Variants in PRKN observed in about 807,000 individuals in gnomAD.
PRKN encodes E3 ubiquitin-protein ligase parkin.
In PRKN, 56 loss-of-function variants were observed where a neutral mutation model predicts 59.5. That is an observed-to-expected ratio of 0.94 (90% CI 0.76 to 1.18). PRKN has a LOEUF of 1.18. Among genes scored for constraint, PRKN ranks in the 50% most tolerant of loss-of-function variants. The pLI, the probability that PRKN is intolerant of heterozygous loss-of-function variation, is 0.00. For synonymous variants in PRKN, 250 were observed against 222.1 expected (o/e 1.13, Z -1.12); for missense variants, 657 against 596.4 (o/e 1.10, Z -1.06).
chr6:161,629,880 G>T (rs1783233653), intron 7 of PRKN, among the ~76,000 whole-genome samples: 1 of 152,144 alleles, frequency 6.6e-6, no homozygotes, highest in Non-Finnish European at 1.5e-5. Flanking sequence ...AAGCTTTGTT[G>T]ACAAGCCCTT....
In PRKN at chr6:162,248,060, G is replaced by A. The variant is rs151043771; in HGVS notation, c.412+14465C>T. Among the ~76,000 whole-genome samples, 19 of 152,260 alleles carry A rather than the reference G, an allele frequency of 1.2e-4. No homozygotes were observed. The East Asian group carries it at 3.5e-3, about 28-fold the overall frequency. ...AAATCTCCCACAGGCTCCCTGGAGA[G>A]AGGAGCTGGAAAGCCTTAGGTTTGT... is the stretch of plus-strand genomic sequence containing the variant. On this transcript the variant is annotated intron_variant, in intron 3 of 11. Coordinates refer to ENST00000366898, the MANE Select transcript of PRKN (RefSeq NM_004562.3).
chr6:162,634,153 T>A (rs1028063530), intron 1 of PRKN, among the ~76,000 whole-genome samples: 2 of 152,144 alleles, frequency 1.3e-5, no homozygotes, highest in Non-Finnish European at 2.9e-5. Context: ...GGGCTTTGGC[T>A]GTTCTCCAGG....
chr6:162,371,757 A>T (rs1310771341), intron 2 of PRKN, among the ~76,000 whole-genome samples: 1 of 152,208 alleles, frequency 6.6e-6, no homozygotes, highest in South Asian at 2.1e-4. Context: ...TTCTATTTCC[A>T]GTTCTGTGAT....
At chr6:162,662,808 C>T (rs1778941217) in intron 1 of PRKN, among the ~76,000 whole-genome samples, 1 of 152,038 alleles carries the variant, frequency 6.6e-6, no homozygotes, top group Admixed American at 6.6e-5. Context: ...CAGTATGATG[C>T]TGTTTTGGTT....
Position 161,693,681 on chromosome 6 carries a change from A to G in PRKN, c.871+92091T>C, listed in dbSNP as rs116259872. ...TCATGAGCAATTCTAATTTTCCCCA[A>G]TGTAATCATCACGAAAACATTTGTG... is the stretch of plus-strand genomic sequence containing the variant. On this transcript the variant is annotated intron_variant, in intron 7 of 11. Transcript: ENST00000366898. Among the ~76,000 whole-genome samples, 954 of 152,310 alleles carry G rather than the reference A, an allele frequency of 6.3e-3. 14 individuals carry two copies. The highest frequency in any genetic ancestry group is 0.022 in the African/African-American group (914 of 41,586).
chr6:162,386,334 C>A lies in PRKN; in HGVS notation c.171+56976G>T, dbSNP rs58997917. On this transcript the variant is annotated intron_variant, in intron 2 of 11. Transcript: ENST00000366898. Reference sequence around the variant, plus strand: ...ATAATAAAAACATATAATTTTATGTCAAGTTTAAAAGTATATTTATACTAA... The same window carrying A: ...ATAATAAAAACATATAATTTTATGTAAAGTTTAAAAGTATATTTATACTAA... Among the ~76,000 whole-genome samples, 3 of 152,218 alleles carry A rather than the reference C, an allele frequency of 2.0e-5. No homozygotes were observed. In the East Asian group the frequency reaches 5.8e-4, roughly 29 times the overall value.
At chr6:161,573,208 C>G (rs1019685221) in intron 7 of PRKN, among the ~76,000 whole-genome samples, 1 of 152,138 alleles carries the variant, frequency 6.6e-6, no homozygotes, top group African/African-American at 2.4e-5. Flanking sequence ...TCTGGGCCAA[C>G]TCATCAGGGC....
At chr6:162,151,498 TC>T (rs1379146450) in intron 4 of PRKN, among the ~76,000 whole-genome samples, 21 of 152,232 alleles carry the variant, frequency 1.4e-4, no homozygotes, top group Admixed American at 9.2e-4. Flanking sequence ...TGAATAGTCA[TC>T]TTTTCCTCTT....
rs200720727 is a variant in PRKN, at chr6:161,785,840, C to T, written c.803G>A (p.Cys268Tyr). Residue 268 changes from cysteine (C) to tyrosine (Y), a missense_variant, in exon 7 of 12, where the codon TGT (cysteine) becomes TAT (tyrosine). Physicochemically the swap from Cys to Tyr is radical, Grantham distance 194. Transcript: ENST00000366898. The part of the protein sequence containing the change: ...VICLDCFHLY[C>Y]VTRLNDRQFV... ...CTGCCGATCATTGAGTCTTGTCACA[C>T]AGTATAAGTGGAAACAGTCTAAGCA... The T allele has an allele frequency of 6.2e-7, 1 of 1,614,124 alleles. No homozygotes were observed. Among genetic ancestry groups the T allele is most frequent in the Non-Finnish European group, 8.5e-7 (1 of 1,179,990 alleles).
At chr6:162,546,733 C>T (rs1241304486) in intron 1 of PRKN, among the ~76,000 whole-genome samples, 1 of 152,096 alleles carries the variant, frequency 6.6e-6, no homozygotes, top group Non-Finnish European at 1.5e-5. Context: ...CGTGAGCCAC[C>T]GCGCCTGGCC....
chr6:162,063,317 C>T (rs59401123), intron 4 of PRKN, among the ~76,000 whole-genome samples: 4 of 152,276 alleles, frequency 2.6e-5, no homozygotes, highest in Admixed American at 2.0e-4. Context: ...CTTGAACAGG[C>T]TATTCACAAA....
At chr6:162,095,033 G>A (rs1197539541) in intron 4 of PRKN, among the ~76,000 whole-genome samples, 1 of 152,076 alleles carries the variant, frequency 6.6e-6, no homozygotes, top group Non-Finnish European at 1.5e-5. Context: ...GATGGTAGGT[G>A]GACAGACTGA....
At chr6:162,205,032 T>A (rs1276749956) in intron 3 of PRKN, among the ~76,000 whole-genome samples, 5 of 151,880 alleles carry the variant, frequency 3.3e-5, no homozygotes, top group Non-Finnish European at 7.4e-5. Flanking sequence ...CCAGCTAATT[T>A]TGGTATTTTT....
rs185796080 is a variant in PRKN at position 161,498,718 on chromosome 6, C to T, written c.1083+50136G>A. Among the ~76,000 whole-genome samples, 37 of 152,312 alleles carry T rather than the reference C, an allele frequency of 2.4e-4. No homozygotes were observed. The highest frequency in any genetic ancestry group is 6.8e-3 in the Middle Eastern group (2 of 294). ...TGCCAACCCTATTGGACAGGCCTTA[C>T]GCGTGAGAAACAAACCTTTGTTGTT... On this transcript the variant is annotated intron_variant, in intron 9 of 11. Transcript: ENST00000366898. This position sits in a 1 kb window ranked among gnomAD's most constrained non-coding sequence, Gnocchi z 4.2.
intron 1 of PRKN, among the ~76,000 whole-genome samples, chr6:162,653,461 C>A (rs532949601): frequency 6.6e-6 from 1 of 152,224 alleles, no homozygotes; most frequent in South Asian, 2.1e-4. Context: ...ATAATCTTCT[C>A]ATAGAAAATC....
chr6:161,695,556 C>G (rs1385783155), intron 7 of PRKN, among the ~76,000 whole-genome samples: 1 of 152,182 alleles, frequency 6.6e-6, no homozygotes, highest in Non-Finnish European at 1.5e-5. Flanking sequence ...TAACCTCACT[C>G]AAAAGTGTTG....
chr6:161,638,738 A>ATTTTT (rs386409169), intron 7 of PRKN, among the ~76,000 whole-genome samples: 21,926 of 99,576 alleles, frequency 0.22, 3,705 homozygotes, highest in Middle Eastern at 0.31. Context: ...ACGAGATCTG[A>ATTTTT]TTTTTTTTTT....
intron 4 of PRKN, among the ~76,000 whole-genome samples, chr6:162,096,793 G>GC (rs1355056137): frequency 6.9e-6 from 1 of 144,586 alleles, no homozygotes; most frequent in African/African-American, 2.6e-5. Flanking sequence ...TTTATAAATT[G>GC]CCCAGTCTTG....
intron 1 of PRKN, among the ~76,000 whole-genome samples, chr6:162,596,708 C>T (rs1781507951): frequency 6.6e-6 from 1 of 152,076 alleles, no homozygotes; most frequent in Non-Finnish European, 1.5e-5. Flanking sequence ...CCAAATCTAC[C>T]CTTTTCATAG....
Sources: allele counts gnomAD v4.1 joint callset (sites outside exome capture counted in the v4.1 genomes callset), GRCh38; gene constraint gnomAD v4.1.1; non-coding constraint Gnocchi (gnomAD v3.1); transcripts MANE v1.5; gene names NCBI Gene and HGNC (gene_info 2026-07-23, HGNC 2026-07-21).